The following GRIK3 variants were observed in gnomAD, a reference collection of about 807,000 sequenced individuals.
The protein encoded by GRIK3 is glutamate receptor ionotropic, kainate 3.
In GRIK3, 29 loss-of-function variants were observed where a neutral mutation model predicts 102.5. The observed-to-expected ratio is 0.28, with a 90% CI of 0.21 to 0.39. GRIK3 has a LOEUF of 0.39. GRIK3 is among the 10% of genes least tolerant of loss of function. The probability of loss-of-function intolerance (pLI) is 1.00; values close to 1 mark genes in which losing one functional copy is unlikely to be tolerated. For missense variants in GRIK3, 908 were observed against 1,252.4 expected, an observed-to-expected ratio of 0.73 and a Z score of 4.15; for synonymous variants, 511 against 504.9, an observed-to-expected ratio of 1.01 and a Z score of -0.16.
In GRIK3 at chr1:36,806,818, AG is replaced by A. The variant is rs1642506426; in HGVS notation, c.2092-493del. Among the ~76,000 whole-genome samples the A allele has an allele frequency of 6.6e-6, 1 of 152,152 alleles. No individual in the cohort carries two copies. Among genetic ancestry groups the A allele is most frequent in the Admixed American group, 6.5e-5 (1 of 15,286 alleles). ...AGTAGCAAAGCCAGGCTTCAAACCC[AG>A]GCCATCTGGCTCCAGAGTCCATACC... On this transcript the variant is annotated intron_variant, in intron 13 of 15. Transcript: ENST00000373091. The surrounding 1 kb of genome is among the most constrained non-coding windows in gnomAD (Gnocchi z 4.0).
intron 5 of GRIK3, among the ~76,000 whole-genome samples, chr1:36,868,832 C>T (rs889304701): frequency 6.6e-6 from 1 of 152,302 alleles, no homozygotes; most frequent in African/African-American, 2.4e-5. Context: ...CGCCTTCCAC[C>T]AGACCCTCAG....
At chr1:36,807,549 G>T (rs1642514770) in intron 13 of GRIK3, among the ~76,000 whole-genome samples, 1 of 152,214 alleles carries the variant, frequency 6.6e-6, no homozygotes, top group Admixed American at 6.5e-5. Context: ...CAGGACTGGG[G>T]CATGGGCAGG....
intron 1 of GRIK3, among the ~76,000 whole-genome samples, chr1:36,957,648 G>A (rs1163437097): frequency 7.6e-6 from 1 of 131,690 alleles, no homozygotes; most frequent in Admixed American, 7.5e-5. Context: ...TGCCCCATGA[G>A]CATCTGTGAT....
Position 36,819,386 on chromosome 1 carries a change from C to T in GRIK3, c.1873+350G>A, listed in dbSNP as rs1426144733. On this transcript the variant is annotated intron_variant, in intron 12 of 15. Transcript: ENST00000373091. The surrounding 1 kb of genome is among the most constrained non-coding windows in gnomAD (Gnocchi z 4.1). ...TCCATCCACAGCCCAACTTGCTCAGCTGGATTGTGTGGTGATGAGGCCATG... is the reference window on the plus strand; with the variant it reads ...TCCATCCACAGCCCAACTTGCTCAGTTGGATTGTGTGGTGATGAGGCCATG... Among the ~76,000 whole-genome samples the T allele has an allele frequency of 6.6e-6, 1 of 152,194 alleles. No homozygotes were observed. Among genetic ancestry groups the T allele is most frequent in the Non-Finnish European group, 1.5e-5 (1 of 68,030 alleles).
chr1:36,890,776 C>T, intron 2 of GRIK3, 144 bp downstream of exon 2: 1 of 558,878 alleles, frequency 1.8e-6, no homozygotes, highest in Non-Finnish European at 3.1e-6. Flanking sequence ...CAAGTCCAGG[C>T]AGTCTGGCTC....
At chr1:36,916,495 C>T (rs749352772) in intron 1 of GRIK3, among the ~76,000 whole-genome samples, 2 of 152,166 alleles carry the variant, frequency 1.3e-5, no homozygotes, top group African/African-American at 4.8e-5. Flanking sequence ...CAGCCCCTCA[C>T]ATCACAGGCA....
chr1:36,815,591 C>T lies in GRIK3; in HGVS notation c.2091+1469G>A, dbSNP rs181758502. Among the ~76,000 whole-genome samples, 415 of 152,254 alleles carry T rather than the reference C, an allele frequency of 2.7e-3. 2 individuals carry two copies. Among genetic ancestry groups the T allele is most frequent in the Non-Finnish European group, 4.8e-3 (329 of 68,006 alleles). On this transcript the variant is annotated intron_variant, in intron 13 of 15. Coordinates refer to ENST00000373091, the MANE Select transcript of GRIK3 (RefSeq NM_000831.4). The stretch of plus-strand genomic sequence containing the variant: ...GCCTGCAGCCACAGAGTTCCTAAAT[C>T]CTAATCATTTCTGGGAAACCTTTGG...
chr1:36,998,073 A>T (rs1642438502), intron 1 of GRIK3, among the ~76,000 whole-genome samples: 1 of 152,172 alleles, frequency 6.6e-6, no homozygotes, highest in Admixed American at 6.5e-5. Context: ...GACTGAATGA[A>T]TGAATGGGAG....
At chr1:37,005,056 C>T (rs2124041648) in intron 1 of GRIK3, among the ~76,000 whole-genome samples, 1 of 152,358 alleles carries the variant, frequency 6.6e-6, no homozygotes, top group South Asian at 2.1e-4. Context: ...CCTCTAAAGA[C>T]AGTTTCTCTA....
At chr1:36,855,887 C>T (rs1420478227) in intron 7 of GRIK3, among the ~76,000 whole-genome samples, 2 of 152,224 alleles carry the variant, frequency 1.3e-5, no homozygotes, top group Non-Finnish European at 2.9e-5. Flanking sequence ...ATCAGCATTG[C>T]CCCCATTTTG....
intron 10 of GRIK3, among the ~76,000 whole-genome samples, chr1:36,838,585 C>A (rs1370210573): frequency 6.6e-6 from 1 of 152,120 alleles, no homozygotes; most frequent in African/African-American, 2.4e-5. Flanking sequence ...CTTGGAAGAC[C>A]ATGTGGCACG....
At chr1:36,858,199 T>G (rs542037117) in intron 7 of GRIK3, among the ~76,000 whole-genome samples, 5 of 152,332 alleles carry the variant, frequency 3.3e-5, no homozygotes, top group Admixed American at 1.3e-4. Flanking sequence ...TCTGCTGGGA[T>G]TTGACTCTGG....
At chr1:37,009,654 G>T (rs2124051291) in intron 1 of GRIK3, among the ~76,000 whole-genome samples, 1 of 152,308 alleles carries the variant, frequency 6.6e-6, no homozygotes, top group African/African-American at 2.4e-5. Flanking sequence ...CCAGAGTTCA[G>T]GGAAATGTCA....
intron 11 of GRIK3, among the ~76,000 whole-genome samples, chr1:36,821,366 G>C (rs1299167529): frequency 6.6e-6 from 1 of 152,212 alleles, no homozygotes; most frequent in Non-Finnish European, 1.5e-5. Context: ...TTTTTGGAGA[G>C]AGCCTTTGGA....
Position 36,799,757 on chromosome 1 carries a change from T to A in GRIK3, c.*2094A>T, listed in dbSNP as rs948313817. 12 of 152,160 alleles carry A rather than the reference T, an allele frequency of 7.9e-5. No individual in the cohort carries two copies. The highest frequency in any genetic ancestry group is 2.7e-4 in the African/African-American group (11 of 41,428). 9.4% of individuals were successfully genotyped at this position (152,160 alleles called of 1,614,324 possible). A position where few individuals can be genotyped will look rare whatever the true frequency, so the allele number is the denominator to read the frequency against. On this transcript the variant is annotated 3_prime_UTR_variant, in exon 16 of 16. Transcript: ENST00000373091. ...ACATATTTGTCTCCCTCGTCCCCAA[T>A]TCACTCAGATACACATACGCACGCA...
chr1:36,865,137 T>TGGC (rs1640769083), intron 5 of GRIK3, among the ~76,000 whole-genome samples: 2 of 152,170 alleles, frequency 1.3e-5, no homozygotes, highest in African/African-American at 4.8e-5. Flanking sequence ...TGCCAGGAAG[T>TGGC]GGCATTAATT....
intron 15 of GRIK3, among the ~76,000 whole-genome samples, chr1:36,802,972 C>A (rs1006772145): frequency 2.0e-5 from 3 of 152,254 alleles, no homozygotes; most frequent in Non-Finnish European, 4.4e-5. Flanking sequence ...AGGCACTGTT[C>A]CAGGTGTTAG....
chr1:36,811,893 C>T (rs891599917), intron 13 of GRIK3, among the ~76,000 whole-genome samples: 32 of 152,238 alleles, frequency 2.1e-4, no homozygotes, highest in African/African-American at 5.8e-4. Context: ...AATGGAAGCC[C>T]GGATAAGTGA....
chr1:36,920,157 C>T (rs1353736225), intron 1 of GRIK3, among the ~76,000 whole-genome samples: 1 of 152,204 alleles, frequency 6.6e-6, no homozygotes, highest in East Asian at 1.9e-4. Flanking sequence ...GCTCATCTTG[C>T]CCTGTCTGGC....
Sources: allele counts gnomAD v4.1 joint callset (sites outside exome capture counted in the v4.1 genomes callset), GRCh38; gene constraint gnomAD v4.1.1; non-coding constraint Gnocchi (gnomAD v3.1); transcripts MANE v1.5; gene names NCBI Gene and HGNC (gene_info 2026-07-23, HGNC 2026-07-21).